MACF1: variants seen among roughly 807,000 people sequenced by gnomAD.
The protein encoded by MACF1 is microtubule-actin cross-linking factor 1.
In MACF1, 193 loss-of-function variants were observed where a neutral mutation model predicts 854.8. The observed-to-expected ratio is 0.23, with a 90% CI of 0.20 to 0.25. The LOEUF is 0.25. Ranked by LOEUF, MACF1 falls within the 10% of genes least tolerant of loss-of-function variation. The probability of loss-of-function intolerance (pLI) is 1.00; values close to 1 mark genes in which losing one functional copy is unlikely to be tolerated. For synonymous variants in MACF1, 3,185 were observed against 3,226.7 expected (o/e 0.99, Z 0.44); for missense variants, 7,722 against 8,929.1 (o/e 0.86, Z 5.45).
rs1359233862 is a variant in MACF1, at chr1:39,452,365, C to T, written c.20613+15C>T. On this transcript the variant is annotated intron_variant, in intron 86 of 100. Coordinates refer to ENST00000564288, the MANE Select transcript of MACF1 (RefSeq NM_001394062.1). The stretch of plus-strand genomic sequence containing the variant: ...CCTTAAAACAAGTAAGGGATATTTG[C>T]TGTCCCAACCCAAGGGATAGATCTG... 3 of 1,607,718 alleles carry T rather than the reference C, an allele frequency of 1.9e-6. No individual in the cohort carries two copies. The highest frequency in any genetic ancestry group is 2.6e-6 in the Non-Finnish European group (3 of 1,176,446).
chr1:39,453,897 C>G lies in MACF1; in HGVS notation c.20886+47C>G, dbSNP rs1644385204. ...GGACTGCACACGCCCAGTAAACTAT[C>G]ACTATAGTATAGTATAGTATTTTTC... is the stretch of plus-strand genomic sequence containing the variant. On this transcript the variant is annotated intron_variant, in intron 88 of 100. Coordinates refer to ENST00000564288, the MANE Select transcript of MACF1 (RefSeq NM_001394062.1). The G allele has an allele frequency of 1.9e-6, 3 of 1,599,624 alleles. No homozygotes were observed. The East Asian group carries it at 6.7e-5, about 36-fold the overall frequency.
At position 39,447,982 on chromosome 1, in the gene MACF1, T is replaced by C. The variant is rs372684852; in HGVS notation, c.19969-51T>C. 3 of 1,612,108 alleles carry C rather than the reference T, an allele frequency of 1.9e-6. No individual in the cohort carries two copies. In the African/African-American group the frequency reaches 4.0e-5, roughly 22 times the overall value. On this transcript the variant is annotated intron_variant, in intron 82 of 100. Transcript: ENST00000564288. ...TCTCTGGGATGATTCTCAAACGTGCTGTATAGTGTGTATATTCATTCCTGT... is the reference window on the plus strand; with the variant it reads ...TCTCTGGGATGATTCTCAAACGTGCCGTATAGTGTGTATATTCATTCCTGT...
chr1:39,287,570 C>T lies in MACF1; in HGVS notation c.1785+8C>T. ...TGGGTAGAAGAGATGCAGGTGGGTG[C>T]ATATCCAAAAGCTTATGCAGTACAC... is the stretch of plus-strand genomic sequence containing the variant. On this transcript the variant is annotated splice_region_variant and intron_variant, in intron 15 of 100. Transcript: ENST00000564288. 1 of 1,614,046 alleles carries T rather than the reference C, an allele frequency of 6.2e-7. No homozygotes were observed. Among genetic ancestry groups the T allele is most frequent in the Non-Finnish European group, 8.5e-7 (1 of 1,179,940 alleles).
rs571878484 is a variant in MACF1, at chr1:39,331,272, C to T, written c.4684C>T (p.Gln1562Ter). The part of the protein sequence containing the change: ...VEIFPIFKAM[Q>*]KGLLDQDTGL... ...GATATTTCCCATCTTCAAAGCCATG[C>T]AAAAGGGCCTCCTTGACCAAGACAC... The change falls in exon 37 of 101, where the codon CAA (glutamine) becomes TAA (stop). Residue 1562 changes from glutamine (Q) to a stop codon, truncating the protein, a stop_gained. Coordinates refer to ENST00000564288, the MANE Select transcript of MACF1 (RefSeq NM_001394062.1). LOFTEE classifies it high-confidence loss of function. The T allele has an allele frequency of 1.2e-6, 2 of 1,600,380 alleles. No individual in the cohort carries two copies. Among genetic ancestry groups the T allele is most frequent in the East Asian group, 4.5e-5 (2 of 44,238 alleles).
At chr1:39,316,256 C>G in intron 27 of MACF1, 135 bp from the exon 28 acceptor site, 1 of 672,372 alleles carries the variant, frequency 1.5e-6, no homozygotes, top group Non-Finnish European at 2.3e-6. Context: ...TTTCACAAAA[C>G]CCTGTCAACA....
chr1:39,216,785 C>T (rs1208513410), intron 1 of MACF1, among the ~76,000 whole-genome samples: 1 of 151,960 alleles, frequency 6.6e-6, no homozygotes, highest in Non-Finnish European at 1.5e-5. Context: ...AGCAAAAGGG[C>T]CTTTCCTGTA....
chr1:39,417,740 TTTTTTTTTTGGA>T (rs1643378115), intron 58 of MACF1, among the ~76,000 whole-genome samples: 4 of 119,876 alleles, frequency 3.3e-5, no homozygotes, highest in African/African-American at 7.1e-5. Flanking sequence ...TTTTTTTTTT[TTTTTTTTTTGGA>T]TTTTTAGTAG....
At chr1:39,361,064 AT>A in intron 48 of MACF1, 63 bp downstream of exon 48, 2 of 1,412,118 alleles carry the variant, frequency 1.4e-6, no homozygotes, top group Non-Finnish European at 2.0e-6. Flanking sequence ...TCATTACATA[AT>A]GTTGAAAAAG....
intron 43 of MACF1, among the ~76,000 whole-genome samples, chr1:39,352,009 G>A (rs1242684697): frequency 6.6e-6 from 1 of 152,132 alleles, no homozygotes; most frequent in Non-Finnish European, 1.5e-5. Flanking sequence ...GATGGGAATC[G>A]TGGCACTCGG....
At chr1:39,402,627 CAAG>C (rs997386778) in intron 58 of MACF1, among the ~76,000 whole-genome samples, 2 of 152,126 alleles carry the variant, frequency 1.3e-5, no homozygotes, top group African/African-American at 4.8e-5. Flanking sequence ...AACACAGTCT[CAAG>C]AAGAAGGGAG....
intron 4 of MACF1, among the ~76,000 whole-genome samples, chr1:39,253,945 C>T (rs1255618247): frequency 6.6e-6 from 1 of 152,220 alleles, no homozygotes; most frequent in Non-Finnish European, 1.5e-5. Context: ...TTTTAGGAGT[C>T]ATAGAGCCAA....
At chr1:39,294,949 G>A in intron 18 of MACF1, 97 bp from the exon 19 acceptor site, 1 of 835,360 alleles carries the variant, frequency 1.2e-6, no homozygotes, top group Non-Finnish European at 2.0e-6. Flanking sequence ...ATTCTATATT[G>A]TAGGTTCCTT....
At chr1:39,353,716 C>T (rs183373000) in intron 44 of MACF1, among the ~76,000 whole-genome samples, 2 of 152,244 alleles carry the variant, frequency 1.3e-5, no homozygotes, top group African/African-American at 4.8e-5. Context: ...GATACTCCTC[C>T]CACAATTAAA....
At chr1:39,475,862 C>A (rs192842761) in intron 97 of MACF1, among the ~76,000 whole-genome samples, 48 of 152,052 alleles carry the variant, frequency 3.2e-4, no homozygotes, top group South Asian at 1.5e-3. Context: ...ATCACCAGGT[C>A]AAGTCTAAGG....
At chr1:39,147,982 C>T (rs1235014024) in intron 2 of MACF1, among the ~76,000 whole-genome samples, 1 of 152,074 alleles carries the variant, frequency 6.6e-6, no homozygotes, top group Non-Finnish European at 1.5e-5. Context: ...GATCTTTTTA[C>T]TTTTTCTGCC....
intron 2 of MACF1, among the ~76,000 whole-genome samples, chr1:39,170,492 A>G (rs966354224): frequency 6.6e-6 from 1 of 152,240 alleles, no homozygotes; most frequent in African/African-American, 2.4e-5. Flanking sequence ...ACTGTAGAGA[A>G]GGAGACACTA....
intron 97 of MACF1, among the ~76,000 whole-genome samples, chr1:39,475,991 A>T (rs894511918): frequency 5.9e-5 from 9 of 152,188 alleles, no homozygotes; most frequent in African/African-American, 2.2e-4. Context: ...TTTCAAAAAC[A>T]AGAGAGCAGT....
chr1:39,104,028 G>A (rs763765827), intron 2 of MACF1, among the ~76,000 whole-genome samples: 1 of 152,208 alleles, frequency 6.6e-6, no homozygotes, highest in African/African-American at 2.4e-5. Context: ...AAACTCTTGA[G>A]AATGGGAACT....
rs1035266020 is a variant in MACF1 at position 39,376,117 on chromosome 1, G to C, written c.13214-2344G>C. On this transcript the variant is annotated intron_variant, in intron 52 of 100. Coordinates refer to ENST00000564288, the MANE Select transcript of MACF1 (RefSeq NM_001394062.1). The stretch of plus-strand genomic sequence containing the variant: ...AAAAATAACTTAAAATAGATGCTTA[G>C]ATGTGTCAGGAGCTGCTTTACTTTC... Among the ~76,000 whole-genome samples, 3 of 152,170 alleles carry C rather than the reference G, an allele frequency of 2.0e-5. No homozygotes were observed. In the East Asian group the frequency reaches 5.8e-4, roughly 29 times the overall value.
Sources: allele counts gnomAD v4.1 joint callset (sites outside exome capture counted in the v4.1 genomes callset), GRCh38; gene constraint gnomAD v4.1.1; transcripts MANE v1.5; gene names NCBI Gene and HGNC (gene_info 2026-07-23, HGNC 2026-07-21).